LINGO1: variants seen among roughly 807,000 people sequenced by gnomAD.
LINGO1 encodes the protein leucine-rich repeat and immunoglobulin-like domain-containing nogo receptor-interacting protein 1.
Under a neutral mutation model 37.3 loss-of-function variants are expected in LINGO1, and 11 were observed. The observed-to-expected ratio is 0.29, with a 90% confidence interval of 0.19 to 0.49. The LOEUF is 0.49. LINGO1 is among the 20% of genes least tolerant of loss of function. The pLI is 0.99. For missense variants in LINGO1, 585 were observed against 878.2 expected (o/e 0.67, Z 4.22); for synonymous variants, 387 against 403.0 (o/e 0.96, Z 0.48).
At chr15:77,736,139 C>T (rs2076201945) in intron 1 of LINGO1, among the ~76,000 whole-genome samples, 1 of 152,202 alleles carries the variant, frequency 6.6e-6, no homozygotes, top group East Asian at 1.9e-4. Context: ...GACTGCCATC[C>T]CTTTGGCATG....
At chr15:77,659,508 T>C (rs1010031153) in intron 3 of LINGO1, among the ~76,000 whole-genome samples, 2 of 152,184 alleles carry the variant, frequency 1.3e-5, no homozygotes, top group African/African-American at 4.8e-5. Flanking sequence ...ACCAGAACCA[T>C]GTTCCAGTTG....
chr15:77,657,460 C>T (rs1234582935), intron 3 of LINGO1, among the ~76,000 whole-genome samples: 1 of 152,210 alleles, frequency 6.6e-6, no homozygotes, highest in Non-Finnish European at 1.5e-5. Context: ...AATCCCCAAA[C>T]TCCCCATCTT....
intron 1 of LINGO1, among the ~76,000 whole-genome samples, chr15:77,743,632 G>A (rs935149858): frequency 6.6e-6 from 1 of 152,142 alleles, no homozygotes; most frequent in Non-Finnish European, 1.5e-5. Flanking sequence ...AAATTACAAC[G>A]CAATATAAAA....
At chr15:77,801,824 C>T (rs966370574) in intron 1 of LINGO1, among the ~76,000 whole-genome samples, 3 of 152,146 alleles carry the variant, frequency 2.0e-5, no homozygotes, top group Admixed American at 2.0e-4. Flanking sequence ...CCAAGGTCGA[C>T]AGGGTCAGAA....
intron 1 of LINGO1, among the ~76,000 whole-genome samples, chr15:77,623,691 C>CCCT (rs1382637030): frequency 6.6e-6 from 1 of 152,052 alleles, no homozygotes; most frequent in Non-Finnish European, 1.5e-5. Context: ...CTCCCCTTTC[C>CCCT]CCTCCTCCTC....
chr15:77,705,398 A>G (rs1246145346), intron 2 of LINGO1, among the ~76,000 whole-genome samples: 2 of 152,122 alleles, frequency 1.3e-5, no homozygotes, highest in Non-Finnish European at 2.9e-5. Flanking sequence ...TCACTGTCCA[A>G]GGGGAGACAC....
At chr15:77,700,630 G>A (rs1428767042), upstream of LINGO1, among the ~76,000 whole-genome samples, 2 of 152,140 alleles carry the variant, frequency 1.3e-5, no homozygotes, top group African/African-American at 4.8e-5. Context: ...GTGGTAGGTG[G>A]GGTCGGTGTT....
At chr15:77,685,987 G>A (rs981080758) in intron 2 of LINGO1, among the ~76,000 whole-genome samples, 8 of 152,326 alleles carry the variant, frequency 5.3e-5, no homozygotes, top group Middle Eastern at 3.4e-3. Flanking sequence ...CCCCAGGTGG[G>A]TGGTGGGCGG....
chr15:77,811,698 A>G (rs974738539), intron 1 of LINGO1, among the ~76,000 whole-genome samples: 1 of 152,252 alleles, frequency 6.6e-6, no homozygotes, highest in African/African-American at 2.4e-5. Context: ...CCCAAGGATA[A>G]AATGAAAAAA....
At chr15:77,625,925 T>C (rs557519653) in intron 1 of LINGO1, among the ~76,000 whole-genome samples, 19 of 152,122 alleles carry the variant, frequency 1.2e-4, no homozygotes, top group African/African-American at 4.6e-4. Context: ...GGAAGGGACA[T>C]TTATATCGAG....
At chr15:77,713,826 C>A (rs1200577515) in intron 2 of LINGO1, among the ~76,000 whole-genome samples, 1 of 152,100 alleles carries the variant, frequency 6.6e-6, no homozygotes, top group East Asian at 1.9e-4. Flanking sequence ...GATTCCACAT[C>A]CTTTTGGCTT....
intron 1 of LINGO1, among the ~76,000 whole-genome samples, chr15:77,630,676 T>C (rs1233970331): frequency 6.6e-6 from 1 of 152,136 alleles, no homozygotes. Context: ...TGGGGAACAC[T>C]GCAGCTTTAA....
intron 3 of LINGO1, among the ~76,000 whole-genome samples, chr15:77,671,565 A>G (rs9652491): frequency 0.012 from 1,889 of 152,318 alleles, 45 homozygotes; most frequent in African/African-American, 0.043. Flanking sequence ...CCCCTTTGGG[A>G]GAGAGGCCCC....
intron 1 of LINGO1, among the ~76,000 whole-genome samples, chr15:77,621,676 C>T (rs560354520): frequency 1.3e-5 from 2 of 152,284 alleles, no homozygotes; most frequent in African/African-American, 2.4e-5. Flanking sequence ...CCCCCAAACC[C>T]GACAAAAGCC....
chr15:77,698,044 G>A (rs529603060), upstream of LINGO1, among the ~76,000 whole-genome samples: 5 of 152,326 alleles, frequency 3.3e-5, no homozygotes, highest in East Asian at 1.9e-4. Context: ...GCCACCTGGG[G>A]GAGGATGGAT....
At chr15:77,640,213 G>A (rs1309383779) in intron 3 of LINGO1, among the ~76,000 whole-genome samples, 2 of 152,226 alleles carry the variant, frequency 1.3e-5, no homozygotes, top group African/African-American at 2.4e-5. Context: ...TGGCTTGAGA[G>A]ACTCGCAAAG....
chr15:77,664,361 G>A (rs1242030100), intron 3 of LINGO1, among the ~76,000 whole-genome samples: 1 of 152,140 alleles, frequency 6.6e-6, no homozygotes, highest in Non-Finnish European at 1.5e-5. Flanking sequence ...CTTGCCACCA[G>A]GAGCTGGTGC....
chr15:77,755,808 C>G (rs117254089), intron 1 of LINGO1, among the ~76,000 whole-genome samples: 1,977 of 152,322 alleles, frequency 0.013, 24 homozygotes, highest in Non-Finnish European at 0.02. Flanking sequence ...CTGTCTCCCC[C>G]ACACTCCCAC....
intron 2 of LINGO1, among the ~76,000 whole-genome samples, chr15:77,681,768 G>A (rs542130670): frequency 5.9e-5 from 9 of 152,198 alleles, no homozygotes; most frequent in East Asian, 5.8e-4. Context: ...GAGGGAGGGT[G>A]GAAGGGAGGG....
Sources: gnomAD v4.1 joint callset for allele counts (sites outside exome capture counted in the v4.1 genomes callset) on GRCh38, gnomAD v4.1.1 for gene constraint, MANE v1.5 for transcripts, NCBI Gene and HGNC (gene_info 2026-07-23, HGNC 2026-07-21) for gene names.